LUZP1: variants seen among roughly 807,000 people sequenced by gnomAD.
LUZP1 encodes the protein leucine zipper protein 1, also known as filamin mechanobinding actin cross-linking protein.
A neutral mutation model predicts 71.3 loss-of-function variants in LUZP1; 25 were observed. The observed-to-expected ratio is 0.35, with a 90% confidence interval of 0.26 to 0.49. The LOEUF is 0.49. LUZP1 is among the 20% of genes least tolerant of loss of function. The probability of loss-of-function intolerance (pLI) is 0.99; values close to 1 mark genes in which losing one functional copy is unlikely to be tolerated. For synonymous variants in LUZP1, 481 were observed against 506.4 expected, an observed-to-expected ratio of 0.95 and a Z score of 0.67; for missense variants, 1,142 against 1,300.8, an observed-to-expected ratio of 0.88 and a Z score of 1.88.
At chr1:23,119,073 G>A (rs757814844) in intron 2 of LUZP1, among the ~76,000 whole-genome samples, 4 of 152,098 alleles carry the variant, frequency 2.6e-5, no homozygotes, top group African/African-American at 4.8e-5. Context: ...AGCAATTAAC[G>A]TGGAGCTTCA....
At chr1:23,116,881 GT>G (rs1186505007) in intron 2 of LUZP1, among the ~76,000 whole-genome samples, 1 of 152,136 alleles carries the variant, frequency 6.6e-6, no homozygotes, top group African/African-American at 2.4e-5. Context: ...CAATCTAGAA[GT>G]TTTTTGTTTT....
chr1:23,117,152 C>CTT (rs1644085760), intron 2 of LUZP1, among the ~76,000 whole-genome samples: 1 of 152,170 alleles, frequency 6.6e-6, no homozygotes, highest in African/African-American at 2.4e-5. Context: ...ATTCCACACT[C>CTT]TCTCTCCATC....
At chr1:23,116,759 G>A (rs1448061520) in intron 2 of LUZP1, among the ~76,000 whole-genome samples, 3 of 152,154 alleles carry the variant, frequency 2.0e-5, no homozygotes, top group African/African-American at 7.2e-5. Context: ...ACATGTACGA[G>A]CTGCAAGTCT....
At chr1:23,151,497 C>T (rs749852869) in intron 2 of LUZP1, among the ~76,000 whole-genome samples, 20 of 152,144 alleles carry the variant, frequency 1.3e-4, no homozygotes, top group African/African-American at 3.9e-4. Flanking sequence ...TCTTATGGTG[C>T]GTAATCCAAG....
chr1:23,164,185 G>A (rs1644491868), intron 2 of LUZP1: 1 of 152,154 alleles, frequency 6.6e-6, no homozygotes, highest in Admixed American at 6.5e-5. Context: ...AAATCCATGG[G>A]TGAGAGAAGG....
intron 2 of LUZP1, among the ~76,000 whole-genome samples, chr1:23,125,508 G>A (rs1318241011): frequency 6.6e-6 from 1 of 152,098 alleles, no homozygotes. Flanking sequence ...CTTAGTAACA[G>A]GTAAATAACT....
intron 1 of LUZP1, among the ~76,000 whole-genome samples, chr1:23,176,706 T>C (rs913300417): frequency 2.6e-5 from 4 of 151,340 alleles, no homozygotes; most frequent in African/African-American, 9.7e-5. Flanking sequence ...ATAGAAAGAG[T>C]CTCAAGATCC....
At chr1:23,113,009 G>A (rs1644046993) in intron 2 of LUZP1, among the ~76,000 whole-genome samples, 1 of 152,204 alleles carries the variant, frequency 6.6e-6, no homozygotes, top group South Asian at 2.1e-4. Flanking sequence ...CTGAGTTATT[G>A]TCTACTAAAT....
At chr1:23,108,640 G>A (rs557928741) in intron 3 of LUZP1, among the ~76,000 whole-genome samples, 1 of 152,178 alleles carries the variant, frequency 6.6e-6, no homozygotes, top group South Asian at 2.1e-4. Context: ...TTGAAACCTA[G>A]TTCTACTACT....
chr1:23,167,883 G>A (rs1569716976), intron 2 of LUZP1, among the ~76,000 whole-genome samples: 1 of 151,984 alleles, frequency 6.6e-6, no homozygotes, highest in Non-Finnish European at 1.5e-5. Flanking sequence ...TCCCTGCCCG[G>A]GCGGCTGGGC....
intron 2 of LUZP1, among the ~76,000 whole-genome samples, chr1:23,122,351 C>A (rs1012183795): frequency 1.3e-5 from 2 of 152,216 alleles, no homozygotes; most frequent in African/African-American, 4.8e-5. Flanking sequence ...TAGGGTACCA[C>A]AAGTGAACAC....
intron 3 of LUZP1, among the ~76,000 whole-genome samples, chr1:23,104,203 G>T (rs954229130): frequency 2.0e-5 from 3 of 149,078 alleles, no homozygotes; most frequent in Non-Finnish European, 4.5e-5. Flanking sequence ...TTTTTGAGAC[G>T]GAATCTCGTT....
In LUZP1 at chr1:23,096,569, C is replaced by T. The variant is rs191050634; in HGVS notation, c.-119-2189G>A. On this transcript the variant is annotated intron_variant, in intron 3 of 4. Coordinates refer to ENST00000302291, the Ensembl canonical transcript of LUZP1. ...AGAATCCTAAATCCTCGTAAGGATA[C>T]GGAAGAATGTATCACAAACAGAAAA... 4.2e-3 allele frequency among the ~76,000 whole-genome samples: 635 copies of T among 151,786 alleles called. 29 individuals carry two copies. Among genetic ancestry groups the T allele is most frequent in the Admixed American group, 0.039 (596 of 15,256 alleles).
At chr1:23,115,057 T>C (rs1422706098) in intron 2 of LUZP1, among the ~76,000 whole-genome samples, 2 of 152,256 alleles carry the variant, frequency 1.3e-5, no homozygotes, top group Middle Eastern at 3.2e-3. Flanking sequence ...TCATGTTATA[T>C]AAATTATTCA....
chr1:23,158,891 C>A (rs1276056838), intron 2 of LUZP1, among the ~76,000 whole-genome samples: 1 of 142,394 alleles, frequency 7.0e-6, no homozygotes, highest in African/African-American at 2.6e-5. Flanking sequence ...CCCTTGAACC[C>A]GGGAGACAGA....
chr1:23,156,908 C>A (rs2148197291), intron 2 of LUZP1, among the ~76,000 whole-genome samples: 1 of 152,310 alleles, frequency 6.6e-6, no homozygotes, highest in East Asian at 1.9e-4. Context: ...TTTCCTATCT[C>A]CAAAAGTTAA....
chr1:23,090,954 G>A lies in LUZP1; in HGVS notation c.3072+236C>T, dbSNP rs941866893. The A allele has an allele frequency of 9.2e-5, 66 of 718,456 alleles. 1 individual carries two copies. The highest frequency in any genetic ancestry group is 1.7e-5 in the African/African-American group (1 of 57,282). 44.5% of individuals were successfully genotyped at this position (718,456 alleles called of 1,614,324 possible). On this transcript the variant is annotated intron_variant, in intron 4 of 4. Transcript: ENST00000302291. ...TCCTTTTTATGTCACCTTCATATAC[G>A]AGAGCAAAATGAAGACAACAAATTG...
At position 23,094,749 on chromosome 1, in the gene LUZP1, A is replaced by C. The variant is rs1643883841; in HGVS notation, c.-119-369T>G. Among the ~76,000 whole-genome samples, 1 of 152,240 alleles carries C rather than the reference A, an allele frequency of 6.6e-6. No homozygotes were observed. Among genetic ancestry groups the C allele is most frequent in the Non-Finnish European group, 1.5e-5 (1 of 68,046 alleles). ...AGTTTTACTTAGTGGTAAAATGGGCATAATGATGTCTACCGTATTTCTCCC... is the reference window on the plus strand; with the variant it reads ...AGTTTTACTTAGTGGTAAAATGGGCCTAATGATGTCTACCGTATTTCTCCC... On this transcript the variant is annotated intron_variant, in intron 3 of 4. Coordinates refer to ENST00000302291, the Ensembl canonical transcript of LUZP1. This position sits in a 1 kb window ranked among gnomAD's most constrained non-coding sequence, Gnocchi z 4.7.
chr1:23,131,938 G>A (rs995390478), intron 2 of LUZP1, among the ~76,000 whole-genome samples: 6 of 152,034 alleles, frequency 3.9e-5, no homozygotes, highest in East Asian at 1.9e-4. Flanking sequence ...CACCTACCTC[G>A]GCCTCCCAAA....
Sources: allele counts gnomAD v4.1 joint callset (sites outside exome capture counted in the v4.1 genomes callset), GRCh38; gene constraint gnomAD v4.1.1; non-coding constraint Gnocchi (gnomAD v3.1); transcripts MANE v1.5; gene names NCBI Gene and HGNC (gene_info 2026-07-23, HGNC 2026-07-21).